SHROOM4: variants seen among roughly 807,000 people sequenced by gnomAD.
The protein encoded by SHROOM4 is shroom family member 4, also known as protein Shroom4.
SHROOM4 carries 17 observed loss-of-function variants against 80.3 expected under a neutral mutation model. That is an observed-to-expected ratio of 0.21 (90% CI 0.14 to 0.32). The LOEUF (loss-of-function observed/expected upper bound fraction) is 0.32, where lower values mean the gene tolerates loss of function less well. Among genes scored for constraint, SHROOM4 ranks in the 10% least tolerant of loss-of-function variants. The pLI is 1.00. For missense variants in SHROOM4, 993 were observed against 1,140.3 expected (o/e 0.87, Z 1.86); for synonymous variants, 400 against 437.5 (o/e 0.91, Z 1.07).
downstream of SHROOM4, among the ~76,000 whole-genome samples, chrX:50,584,360 G>C (rs1321274531): frequency 8.9e-6 from 1 of 112,245 alleles, no homozygotes; most frequent in Non-Finnish European, 1.9e-5. Flanking sequence ...GGTTTGCCCA[G>C]ATAATGAGGT....
At chrX:50,763,070 C>A (rs1935194856) in intron 1 of SHROOM4, among the ~76,000 whole-genome samples, 1 of 110,893 alleles carries the variant, frequency 9.0e-6, no homozygotes, top group Non-Finnish European at 1.9e-5. Context: ...TTCTGGAGCT[C>A]TGTTCATTTC....
At chrX:50,681,335 C>A (rs1352174714) in intron 2 of SHROOM4, among the ~76,000 whole-genome samples, 1 of 111,613 alleles carries the variant, frequency 9.0e-6, no homozygotes, top group Non-Finnish European at 1.9e-5. Context: ...CCAGAGCCTA[C>A]AAGGCCCTGT....
At chrX:50,723,811 C>T (rs1192761708) in intron 1 of SHROOM4, among the ~76,000 whole-genome samples, 1 of 111,410 alleles carries the variant, frequency 9.0e-6, no homozygotes, top group African/African-American at 3.3e-5. Flanking sequence ...GACGGCCAGG[C>T]TTCTAAACCT....
intron 1 of SHROOM4, among the ~76,000 whole-genome samples, chrX:50,722,930 A>G (rs1174273560): frequency 9.0e-6 from 1 of 110,737 alleles, no homozygotes; most frequent in Non-Finnish European, 1.9e-5. Context: ...TAATTTACAC[A>G]CAATAAAATT....
intron 1 of SHROOM4, among the ~76,000 whole-genome samples, chrX:50,731,294 T>C (rs1431777189): frequency 9.1e-6 from 1 of 109,957 alleles, no homozygotes; most frequent in Non-Finnish European, 1.9e-5. Context: ...TCTTTCCCTC[T>C]CTCCTTCTTC....
intron 2 of SHROOM4, among the ~76,000 whole-genome samples, chrX:50,659,267 A>T (rs1557259763): frequency 8.9e-6 from 1 of 111,772 alleles, no homozygotes; most frequent in Non-Finnish European, 1.9e-5. Context: ...TTTTGTAGGG[A>T]GAAAAGATGC....
At chrX:50,712,608 T>C (rs1933847952) in intron 1 of SHROOM4, among the ~76,000 whole-genome samples, 1 of 111,634 alleles carries the variant, frequency 9.0e-6, no homozygotes, top group Admixed American at 9.5e-5. Context: ...GAAAGGAGTA[T>C]AAAGCAAAAT....
chrX:50,604,774 A>C (rs1557248215), intron 6 of SHROOM4, among the ~76,000 whole-genome samples: 2 of 111,985 alleles, frequency 1.8e-5, no homozygotes, highest in Non-Finnish European at 3.8e-5. Flanking sequence ...TAGGGAAGTG[A>C]TTATAGGTGG....
intron 1 of SHROOM4, among the ~76,000 whole-genome samples, chrX:50,718,259 G>T (rs1338131680): frequency 1.8e-5 from 2 of 112,279 alleles, no homozygotes; most frequent in South Asian, 7.5e-4. Context: ...TGGAAAAGTT[G>T]TGAGAGATAA....
At chrX:50,803,384 GATAA>G (rs1936167543) in intron 1 of SHROOM4, among the ~76,000 whole-genome samples, 1 of 112,062 alleles carries the variant, frequency 8.9e-6, no homozygotes, top group South Asian at 3.8e-4. Context: ...TTAATAAGTG[GATAA>G]ATGAACAAAC....
chrX:50,756,213 T>C (rs1935035391), intron 1 of SHROOM4, among the ~76,000 whole-genome samples: 1 of 112,089 alleles, frequency 8.9e-6, no homozygotes. Flanking sequence ...TTTGTCTTTT[T>C]TGAACATTTC....
chrX:50,740,632 C>T (rs1211726188), intron 1 of SHROOM4, among the ~76,000 whole-genome samples: 1 of 111,267 alleles, frequency 9.0e-6, no homozygotes, highest in African/African-American at 3.3e-5. Flanking sequence ...AGCACCTTAG[C>T]CTAGAACTGT....
chrX:50,813,191 G>T (rs1164915603), intron 1 of SHROOM4, among the ~76,000 whole-genome samples: 4 of 108,997 alleles, frequency 3.7e-5, no homozygotes, highest in Non-Finnish European at 5.8e-5. Context: ...CGGCGGCAGC[G>T]GCAGCAGCAA....
chrX:50,608,258 T>C (rs1929789054), intron 5 of SHROOM4, 74 bp from the exon 6 acceptor site: 1 of 972,047 alleles, frequency 1.0e-6, no homozygotes, highest in Non-Finnish European at 1.5e-6. Flanking sequence ...TGACAACATT[T>C]ATATAAAATT....
chrX:50,585,338 G>A (rs1040754971), downstream of SHROOM4, among the ~76,000 whole-genome samples: 1 of 111,505 alleles, frequency 9.0e-6, no homozygotes, highest in Non-Finnish European at 1.9e-5. Flanking sequence ...CAAAGGACAC[G>A]CTGGAATTGG....
intron 2 of SHROOM4, among the ~76,000 whole-genome samples, chrX:50,669,451 A>G (rs1037949409): frequency 1.8e-5 from 2 of 110,532 alleles, no homozygotes; most frequent in African/African-American, 6.6e-5. Context: ...GACTTCAGAC[A>G]TGCCACCACA....
In SHROOM4 at chrX:50,587,442, C is replaced by G. The variant is rs1173508561; in HGVS notation, c.*9253G>C. On this transcript the variant is annotated 3_prime_UTR_variant, in exon 9 of 9. Coordinates refer to ENST00000376020, the MANE Select transcript of SHROOM4 (RefSeq NM_020717.5). ...GAAGAGATATCTGCACTCTCATGTT[C>G]ACTGAAACATTATTCTCTGGTGAAA... Among the ~76,000 whole-genome samples the G allele has an allele frequency of 8.9e-6, 1 of 112,022 alleles. No homozygotes were observed. Among genetic ancestry groups the G allele is most frequent in the Non-Finnish European group, 1.9e-5 (1 of 53,160 alleles).
At chrX:50,614,922 C>T (rs1459735460) in intron 5 of SHROOM4, among the ~76,000 whole-genome samples, 1 of 112,078 alleles carries the variant, frequency 8.9e-6, no homozygotes, top group Middle Eastern at 4.2e-3. Flanking sequence ...ATAGAATAAT[C>T]ACTAAAATAA....
Position 50,601,336 on chromosome X carries a change from C to T in SHROOM4, c.3942+1297G>A, listed in dbSNP as rs904280457. Among the ~76,000 whole-genome samples, 3 of 112,165 alleles carry T rather than the reference C, an allele frequency of 2.7e-5. No homozygotes were observed. The East Asian group carries it at 8.4e-4, about 31-fold the overall frequency. On this transcript the variant is annotated intron_variant, in intron 7 of 8. Transcript: ENST00000376020. ...CCTGAGTAAGCTAGGAGTACCCCTG[C>T]TCGGGGAACATGGAATCCAAGGAAG... is the stretch of plus-strand genomic sequence containing the variant.
Sources: allele counts gnomAD v4.1 joint callset (sites outside exome capture counted in the v4.1 genomes callset), GRCh38; gene constraint gnomAD v4.1.1; transcripts MANE v1.5; gene names NCBI Gene and HGNC (gene_info 2026-07-23, HGNC 2026-07-21).